The following ENTREP2 variants were observed in gnomAD, a reference collection of about 807,000 sequenced individuals.
ENTREP2 encodes the protein protein ENTREP2.
the ENTREP2 span, among the ~76,000 whole-genome samples, chr15:29,494,254 A>G: frequency 2.0e-5 from 3 of 152,204 alleles, no homozygotes; most frequent in African/African-American, 7.2e-5. Context: ...ACAATCAATT[A>G]AAAACCATTT....
the ENTREP2 span, among the ~76,000 whole-genome samples, chr15:29,405,945 G>C: frequency 1.3e-5 from 2 of 152,226 alleles, no homozygotes; most frequent in Non-Finnish European, 2.9e-5. Context: ...TATAGAACAA[G>C]TTAGGAAAGG....
At chr15:29,370,735 T>C in the ENTREP2 span, among the ~76,000 whole-genome samples, 1 of 152,230 alleles carries the variant, frequency 6.6e-6, no homozygotes, top group East Asian at 1.9e-4. Context: ...TGTTCTGAAG[T>C]GCAGGCAGGA....
chr15:29,167,698 A>G, the ENTREP2 span, among the ~76,000 whole-genome samples: 1 of 152,212 alleles, frequency 6.6e-6, no homozygotes, highest in Non-Finnish European at 1.5e-5. Context: ...GTGAACAGGG[A>G]GCACTTCTAC....
chr15:29,367,005 A>G, the ENTREP2 span, among the ~76,000 whole-genome samples: 5 of 152,236 alleles, frequency 3.3e-5, no homozygotes, highest in Non-Finnish European at 5.9e-5. Context: ...AAAAGTGGCA[A>G]AGACCTAAAA....
the ENTREP2 span, among the ~76,000 whole-genome samples, chr15:29,173,588 GAGCCACCCGTGAT>G: frequency 6.6e-6 from 1 of 152,206 alleles, no homozygotes; most frequent in East Asian, 1.9e-4. Context: ...AGGGTGTGCA[GAGCCACCCGTGAT>G]AGCAAGTGAT....
chr15:29,588,689 A>C, the ENTREP2 span, among the ~76,000 whole-genome samples: 1 of 152,074 alleles, frequency 6.6e-6, no homozygotes, highest in Non-Finnish European at 1.5e-5. Flanking sequence ...ACATAGTACA[A>C]ATTTTTAATG....
chr15:29,347,677 T>G, the ENTREP2 span, among the ~76,000 whole-genome samples: 1 of 152,156 alleles, frequency 6.6e-6, no homozygotes, highest in South Asian at 2.1e-4. Context: ...TAGGAAACGA[T>G]GGACCAAAGT....
At chr15:29,302,892 A>C in the ENTREP2 span, among the ~76,000 whole-genome samples, 1 of 152,324 alleles carries the variant, frequency 6.6e-6, no homozygotes, top group East Asian at 1.9e-4. Context: ...GAAGACTGGC[A>C]TCACATTTGG....
At chr15:29,179,629 G>A in the ENTREP2 span, among the ~76,000 whole-genome samples, 340 of 151,010 alleles carry the variant, frequency 2.3e-3, 4 homozygotes, top group Middle Eastern at 0.014. Context: ...TGCCCAGGCT[G>A]GAGTGCAGTG....
At chr15:29,294,540 G>C in the ENTREP2 span, among the ~76,000 whole-genome samples, 1 of 152,166 alleles carries the variant, frequency 6.6e-6, no homozygotes. Context: ...GTCCTAGAAA[G>C]GTTTAGTTGA....
At chr15:29,534,212 G>A in the ENTREP2 span, among the ~76,000 whole-genome samples, 2 of 151,302 alleles carry the variant, frequency 1.3e-5, no homozygotes, top group Non-Finnish European at 2.9e-5. Flanking sequence ...ACCAAACTGT[G>A]GCTCCAGCTT....
the ENTREP2 span, among the ~76,000 whole-genome samples, chr15:29,133,934 C>T: frequency 6.6e-6 from 1 of 151,864 alleles, no homozygotes; most frequent in Non-Finnish European, 1.5e-5. Flanking sequence ...GCCTGTCCTT[C>T]TTCCCTCTGA....
the ENTREP2 span, among the ~76,000 whole-genome samples, chr15:29,159,987 G>A: frequency 7.2e-5 from 11 of 152,242 alleles, no homozygotes; most frequent in Admixed American, 1.3e-4. Context: ...GCGCTCGCCC[G>A]GGAGGCTCGG....
the ENTREP2 span, among the ~76,000 whole-genome samples, chr15:29,458,115 T>G: frequency 6.6e-6 from 1 of 152,126 alleles, no homozygotes; most frequent in Non-Finnish European, 1.5e-5. Context: ...AGACCCAGGA[T>G]AGCTAGCATG....
At chr15:29,657,460 G>A in the ENTREP2 span, among the ~76,000 whole-genome samples, 11 of 130,700 alleles carry the variant, frequency 8.4e-5, no homozygotes, top group African/African-American at 3.2e-4. Context: ...ACCCCTGCGA[G>A]TTGCCGCTGT....
the ENTREP2 span, among the ~76,000 whole-genome samples, chr15:29,283,801 C>T: frequency 6.6e-6 from 1 of 152,056 alleles, no homozygotes; most frequent in Non-Finnish European, 1.5e-5. Flanking sequence ...GCTGCCAGAA[C>T]AGAAAAATGC....
the ENTREP2 span, among the ~76,000 whole-genome samples, chr15:29,128,270 C>T: frequency 6.6e-6 from 1 of 152,158 alleles, no homozygotes. Context: ...CCACCTCCCC[C>T]GCCCCGGCTC....
At chr15:29,433,837 T>C in the ENTREP2 span, among the ~76,000 whole-genome samples, 1 of 151,242 alleles carries the variant, frequency 6.6e-6, no homozygotes, top group African/African-American at 2.4e-5. Context: ...GCATTCTCCT[T>C]TCCTAAAGCG....
the ENTREP2 span, among the ~76,000 whole-genome samples, chr15:29,586,969 A>G: frequency 6.6e-6 from 1 of 152,148 alleles, no homozygotes; most frequent in African/African-American, 2.4e-5. Context: ...CAAATGAGGT[A>G]TTATGGGATA....
Sources: gnomAD v4.1 joint callset for allele counts (sites outside exome capture counted in the v4.1 genomes callset) on GRCh38, gnomAD v4.1.1 for gene constraint, MANE v1.5 for transcripts, NCBI Gene and HGNC (gene_info 2026-07-23, HGNC 2026-07-21) for gene names.